Variants in TMEM132B observed in about 807,000 individuals in gnomAD.
The protein encoded by TMEM132B is transmembrane protein 132B.
Under a neutral mutation model 90.8 loss-of-function variants are expected in TMEM132B, and 18 were observed. The observed-to-expected ratio is 0.20, with a 90% confidence interval of 0.14 to 0.29. The LOEUF (loss-of-function observed/expected upper bound fraction) is 0.29, where lower values mean the gene tolerates loss of function less well. TMEM132B is among the 10% of genes least tolerant of loss of function. TMEM132B has a pLI of 1.00. For missense variants in TMEM132B, 1,096 were observed against 1,326.8 expected (o/e 0.83, Z 2.70); for synonymous variants, 504 against 523.3 (o/e 0.96, Z 0.50).
chr12:125,521,092 G>C (rs985622314), intron 4 of TMEM132B, among the ~76,000 whole-genome samples: 3 of 152,192 alleles, frequency 2.0e-5, no homozygotes, highest in African/African-American at 7.2e-5. Flanking sequence ...GCTAGGTCAG[G>C]CTGAGGTTGG....
intron 1 of TMEM132B, among the ~76,000 whole-genome samples, chr12:125,304,067 T>A (rs1295426202): frequency 6.6e-6 from 1 of 152,212 alleles, no homozygotes; most frequent in East Asian, 1.9e-4. Context: ...CTGTTCCACC[T>A]CAAATCAGGC....
At chr12:125,436,959 C>T (rs1399881409) in intron 3 of TMEM132B, among the ~76,000 whole-genome samples, 2 of 152,202 alleles carry the variant, frequency 1.3e-5, no homozygotes, top group South Asian at 2.1e-4. Context: ...TGACTTTTGA[C>T]CCTCAAGCCA....
At chr12:125,597,533 G>A (rs573172795) in intron 5 of TMEM132B, among the ~76,000 whole-genome samples, 68 of 152,280 alleles carry the variant, frequency 4.5e-4, no homozygotes, top group African/African-American at 1.6e-3. Flanking sequence ...GAGCAAGCAG[G>A]CACTGTATCT....
At chr12:125,480,584 C>T (rs1016705567) in intron 3 of TMEM132B, among the ~76,000 whole-genome samples, 1 of 152,110 alleles carries the variant, frequency 6.6e-6, no homozygotes, top group African/African-American at 2.4e-5. Context: ...CTGAATAGAC[C>T]AATAACAGGC....
At chr12:125,205,330 G>A (rs1040685125) in intron 1 of TMEM132B, among the ~76,000 whole-genome samples, 1 of 151,694 alleles carries the variant, frequency 6.6e-6, no homozygotes, top group Admixed American at 6.6e-5. Flanking sequence ...AGCCCTTTAT[G>A]TGGAGCATCT....
rs894997477 is a variant in TMEM132B at position 125,259,226 on chromosome 12, C to G, written c.67+72360C>G. On this transcript the variant is annotated intron_variant, in intron 1 of 8. Transcript: ENST00000682704. Reference sequence around the variant, plus strand: ...ACTTCTTGATGCTTTGTCTCCCCCACTAGATTAAAATCCTATGAGAACAGG... The same window carrying G: ...ACTTCTTGATGCTTTGTCTCCCCCAGTAGATTAAAATCCTATGAGAACAGG... Among the ~76,000 whole-genome samples, 13 of 152,196 alleles carry G rather than the reference C, an allele frequency of 8.5e-5. No homozygotes were observed. In the East Asian group the frequency reaches 2.5e-3, roughly 29 times the overall value.
chr12:125,342,481 G>A (rs1352331761), intron 1 of TMEM132B, among the ~76,000 whole-genome samples: 1 of 152,156 alleles, frequency 6.6e-6, no homozygotes, highest in East Asian at 1.9e-4. Context: ...GTGATGCTAG[G>A]GGTGGGTCTC....
chr12:125,624,083 G>A (rs1886173939), intron 5 of TMEM132B, among the ~76,000 whole-genome samples: 1 of 152,228 alleles, frequency 6.6e-6, no homozygotes, highest in Non-Finnish European at 1.5e-5. Context: ...GTCAGTTACA[G>A]GCTGAACGCT....
intron 4 of TMEM132B, among the ~76,000 whole-genome samples, chr12:125,553,452 G>A (rs1209862285): frequency 6.6e-6 from 1 of 152,172 alleles, no homozygotes; most frequent in African/African-American, 2.4e-5. Flanking sequence ...GGCCTGTCTG[G>A]GGTGTTAGGA....
chr12:125,389,902 A>T (rs1179452472), intron 2 of TMEM132B, among the ~76,000 whole-genome samples: 1 of 152,232 alleles, frequency 6.6e-6, no homozygotes, highest in Non-Finnish European at 1.5e-5. Context: ...ATATAGACAT[A>T]TACCCACAGA....
intron 4 of TMEM132B, among the ~76,000 whole-genome samples, chr12:125,573,066 T>G (rs543637286): frequency 1.3e-5 from 2 of 152,298 alleles, no homozygotes; most frequent in Admixed American, 1.3e-4. Context: ...TGTACTTTCT[T>G]TGTCTTGGCA....
In TMEM132B at chr12:125,203,493, A is replaced by G. The variant is rs190837997; in HGVS notation, c.67+16627A>G. Among the ~76,000 whole-genome samples the G allele has an allele frequency of 5.3e-5, 8 of 152,330 alleles. 1 individual carries two copies. Among genetic ancestry groups the G allele is most frequent in the East Asian group, 3.9e-4 (2 of 5,188 alleles). On this transcript the variant is annotated intron_variant, in intron 1 of 8. Transcript: ENST00000682704. ...CTTACCAATATCTTTAACATTTTAT[A>G]TGTTAATTGGTTACTTCTGTGACCA...
intron 5 of TMEM132B, among the ~76,000 whole-genome samples, chr12:125,640,493 G>A (rs1377787343): frequency 1.3e-5 from 2 of 152,184 alleles, no homozygotes; most frequent in Non-Finnish European, 2.9e-5. Context: ...ATGAAGAGGG[G>A]CCTGTGCCGG....
chr12:125,614,919 T>C (rs1425849217), intron 5 of TMEM132B, among the ~76,000 whole-genome samples: 2 of 152,194 alleles, frequency 1.3e-5, no homozygotes, highest in African/African-American at 4.8e-5. Context: ...TAATTTCCCC[T>C]CATTTTTGAA....
chr12:125,562,313 A>C (rs531642501), intron 4 of TMEM132B, among the ~76,000 whole-genome samples: 1 of 152,326 alleles, frequency 6.6e-6, no homozygotes, highest in Non-Finnish European at 1.5e-5. Context: ...ACTTCTATCC[A>C]GACCACTGAC....
Position 125,186,578 on chromosome 12 carries a change from A to G in TMEM132B, c.-222A>G, listed in dbSNP as rs1281363572. Among the ~76,000 whole-genome samples, 1 of 146,620 alleles carries G rather than the reference A, an allele frequency of 6.8e-6. No homozygotes were observed. The highest frequency in any genetic ancestry group is 1.5e-5 in the Non-Finnish European group (1 of 65,922). ...CGGGGCGCTGAGCCTCGGCCGCCCCAGCTCCCCAGCCACGCACGGCCGAGC... is the reference window on the plus strand; with the variant it reads ...CGGGGCGCTGAGCCTCGGCCGCCCCGGCTCCCCAGCCACGCACGGCCGAGC... On this transcript the variant is annotated 5_prime_UTR_variant, in exon 1 of 9. Coordinates refer to ENST00000682704, the MANE Select transcript of TMEM132B (RefSeq NM_001366854.1). The surrounding 1 kb of genome is among the most constrained non-coding windows in gnomAD (Gnocchi z 6.3).
chr12:125,660,827 G>A lies in TMEM132B; in HGVS notation c.*6117G>A, dbSNP rs1887191583. 4.6e-5 allele frequency: 7 copies of A among 152,228 alleles called. 1 individual carries two copies. In the South Asian group the frequency reaches 1.2e-3, roughly 27 times the overall value. 9.4% of individuals were successfully genotyped at this position (152,228 alleles called of 1,614,324 possible). A position where few individuals can be genotyped will look rare whatever the true frequency, so the allele number is the denominator to read the frequency against. ...TGAAACATTGTAATTTCATGTTAAC[G>A]ACAAGAGTCTCACGGGAGTCTCTTT... On this transcript the variant is annotated 3_prime_UTR_variant, in exon 9 of 9. Coordinates refer to ENST00000682704, the MANE Select transcript of TMEM132B (RefSeq NM_001366854.1).
chr12:125,205,708 G>A lies in TMEM132B; in HGVS notation c.67+18842G>A, dbSNP rs117759607. ...CTTCAGAGCAGCCCAACTTCTGTGG[G>A]CTTCAGTGTGAGTGTCTCAAGACAG... On this transcript the variant is annotated intron_variant, in intron 1 of 8. Transcript: ENST00000682704. Among the ~76,000 whole-genome samples the A allele has an allele frequency of 4.5e-3, 687 of 152,340 alleles. 11 individuals carry two copies. In the East Asian group the frequency reaches 0.065, roughly 15 times the overall value.
intron 3 of TMEM132B, among the ~76,000 whole-genome samples, chr12:125,494,909 C>T (rs1882501679): frequency 1.5e-5 from 2 of 130,668 alleles, no homozygotes; most frequent in South Asian, 5.5e-4. Context: ...TCTCCCCCCT[C>T]CTCCCTGGAA....
Sources: allele counts gnomAD v4.1 joint callset (sites outside exome capture counted in the v4.1 genomes callset), GRCh38; gene constraint gnomAD v4.1.1; non-coding constraint Gnocchi (gnomAD v3.1); transcripts MANE v1.5; gene names NCBI Gene and HGNC (gene_info 2026-07-23, HGNC 2026-07-21).